The following GGA2 variants were observed in gnomAD, a reference collection of about 807,000 sequenced individuals.
GGA2 encodes the protein golgi associated, gamma adaptin ear containing, ARF binding protein 2.
GGA2 carries 48 observed loss-of-function variants against 79.5 expected under a neutral mutation model. That is an observed-to-expected ratio of 0.60 (90% CI 0.48 to 0.77). The LOEUF is 0.77. Ranked by LOEUF, GGA2 falls within the 30% of genes least tolerant of loss-of-function variation. The pLI is 0.00. For missense variants in GGA2, 770 were observed against 774.0 expected (o/e 0.99, Z 0.06); for synonymous variants, 317 against 302.0 (o/e 1.05, Z -0.51).
At chr16:23,480,887 A>C (rs1596981792) in intron 9 of GGA2, 117 bp from the exon 10 acceptor site, 1 of 934,438 alleles carries the variant, frequency 1.1e-6, no homozygotes, top group Non-Finnish European at 1.7e-6. Context: ...GTTTATCCAC[A>C]CCTCCTGCCT....
chr16:23,496,582 T>C (rs972082927), intron 1 of GGA2, among the ~76,000 whole-genome samples: 4 of 152,062 alleles, frequency 2.6e-5, no homozygotes, highest in Non-Finnish European at 5.9e-5. Context: ...CAGCACTTCA[T>C]GGGGCTGAGG....
intron 1 of GGA2, among the ~76,000 whole-genome samples, chr16:23,520,522 T>G (rs1407228325): frequency 6.6e-6 from 1 of 151,952 alleles, no homozygotes; most frequent in African/African-American, 2.4e-5. Context: ...CCAGGTGTGG[T>G]GGCATGCACC....
At chr16:23,507,891 G>A (rs946675915) in intron 1 of GGA2, among the ~76,000 whole-genome samples, 1 of 151,574 alleles carries the variant, frequency 6.6e-6, no homozygotes, top group Admixed American at 6.6e-5. Flanking sequence ...CCAGGAGAGG[G>A]GTAAGCTGCA....
At position 23,467,666 on chromosome 16, in the gene GGA2, T is replaced by C; in HGVS notation, c.1766A>G (p.Asn589Ser). The change falls in exon 17 of 17, where the codon AAC (asparagine) becomes AGC (serine). Residue 589 changes from asparagine to serine, a missense_variant. By Grantham distance (46) the Asn-to-Ser change is conservative. Coordinates refer to ENST00000309859, the MANE Select transcript of GGA2 (RefSeq NM_015044.4). ...TTCGCTGAAAGGCTGTCCACCTTGG[T>C]TGAATGTCAGCTTGTACCGTAAGCG... Reference protein sequence around the residue: ...PIRLRYKLTFNQGGQPFSEVG... With the variant: ...PIRLRYKLTFSQGGQPFSEVG... 6.2e-7 allele frequency: 1 copy of C among 1,606,744 alleles called. No individual in the cohort carries two copies. Among genetic ancestry groups the C allele is most frequent in the Non-Finnish European group, 8.5e-7 (1 of 1,173,284 alleles).
intron 13 of GGA2, 84 bp downstream of exon 13, chr16:23,478,284 G>T: frequency 9.9e-7 from 1 of 1,010,932 alleles, no homozygotes; most frequent in Non-Finnish European, 1.4e-6. Flanking sequence ...CTGTCTTAGA[G>T]CACCATTCTC....
chr16:23,501,790 GA>G (rs1456893286), intron 1 of GGA2, among the ~76,000 whole-genome samples: 1 of 152,168 alleles, frequency 6.6e-6, no homozygotes, highest in Non-Finnish European at 1.5e-5. Flanking sequence ...TTTTCATCGA[GA>G]GGAAACATCT....
intron 14 of GGA2, 38 bp downstream of exon 14, chr16:23,474,866 G>GAA (rs530417746): frequency 1.5e-4 from 196 of 1,348,422 alleles, no homozygotes; most frequent in African/African-American, 7.0e-4. Context: ...GATTCCCAGG[G>GAA]AAAAAAAAAA....
chr16:23,493,744 A>G (rs529848727), intron 3 of GGA2: 1 of 378,090 alleles, frequency 2.6e-6, no homozygotes, highest in African/African-American at 2.1e-5. Flanking sequence ...CTTTGAGAGG[A>G]GAAAGTGGCT....
intron 4 of GGA2, among the ~76,000 whole-genome samples, chr16:23,492,231 G>C (rs1047217020): frequency 1.3e-5 from 2 of 152,192 alleles, no homozygotes; most frequent in Admixed American, 1.3e-4. Flanking sequence ...CTTACAGTGA[G>C]TGCCTAGAGA....
At chr16:23,487,822 T>G (rs1187808347) in intron 6 of GGA2, among the ~76,000 whole-genome samples, 1 of 150,966 alleles carries the variant, frequency 6.6e-6, no homozygotes, top group African/African-American at 2.4e-5. Flanking sequence ...GCCCAAGGAG[T>G]GGGTACAGGG....
rs984306720 is a variant in GGA2, at chr16:23,501,545, G to T, written c.92-5767C>A. On this transcript the variant is annotated intron_variant, in intron 1 of 16. Coordinates refer to ENST00000309859, the MANE Select transcript of GGA2 (RefSeq NM_015044.4). ...ATTTAGTTTTCCTCACAAAGATAAA[G>T]CACAGAAACTGGAGGCTGTGTCATG... 8.9e-6 allele frequency: 3 copies of T among 336,504 alleles called. No individual in the cohort carries two copies. The Admixed American group carries it at 1.2e-4, about 13-fold the overall frequency. 20.8% of individuals were successfully genotyped at this position (336,504 alleles called of 1,614,324 possible).
At chr16:23,474,067 A>C (rs1964547382) in intron 14 of GGA2, among the ~76,000 whole-genome samples, 1 of 151,870 alleles carries the variant, frequency 6.6e-6, no homozygotes. Context: ...TAGGCACCTT[A>C]ATTAGCCGAG....
rs561851244 is a variant in GGA2 at position 23,496,203 on chromosome 16, TGAGGCA to T, written c.92-431_92-426del. On this transcript the variant is annotated intron_variant, in intron 1 of 16. Transcript: ENST00000309859. ...CTGTAATCCCAGCTACTTGGGAGGC[TGAGGCA>T]GGAGAATCGCTTGAACTTGGGAGGT... Among the ~76,000 whole-genome samples the T allele has an allele frequency of 3.2e-3, 462 of 145,770 alleles. 5 individuals are homozygous for T. Among genetic ancestry groups the T allele is most frequent in the Middle Eastern group, 0.011 (3 of 276 alleles).
At chr16:23,490,511 G>C (rs1319136135) in intron 5 of GGA2, among the ~76,000 whole-genome samples, 1 of 151,998 alleles carries the variant, frequency 6.6e-6, no homozygotes, top group African/African-American at 2.4e-5. Context: ...GAGGCAGGCG[G>C]ATCATTTGAG....
At chr16:23,504,444 G>A (rs973748368) in intron 1 of GGA2, among the ~76,000 whole-genome samples, 4 of 152,200 alleles carry the variant, frequency 2.6e-5, no homozygotes, top group South Asian at 2.1e-4. Context: ...CTGAATGAAC[G>A]ATTCCTCTTT....
chr16:23,510,843 A>C (rs1028767833), upstream of GGA2, among the ~76,000 whole-genome samples: 1 of 150,888 alleles, frequency 6.6e-6, no homozygotes, highest in African/African-American at 2.5e-5. Flanking sequence ...AGGAGCTGGG[A>C]CTAGGGGAGG....
chr16:23,504,963 C>T (rs1342081745), intron 1 of GGA2, among the ~76,000 whole-genome samples: 1 of 152,138 alleles, frequency 6.6e-6, no homozygotes, highest in Non-Finnish European at 1.5e-5. Flanking sequence ...GAAGCCAAAC[C>T]ATCCCACGTC....
chr16:23,499,942 T>C (rs1473221403), intron 1 of GGA2, among the ~76,000 whole-genome samples: 1 of 152,188 alleles, frequency 6.6e-6, no homozygotes, highest in Non-Finnish European at 1.5e-5. Flanking sequence ...ACAGGGCATG[T>C]GGAGGGGACT....
upstream of GGA2, chr16:23,524,330 AG>A (rs1218545955): frequency 6.4e-7 from 1 of 1,564,698 alleles, no homozygotes; most frequent in Non-Finnish European, 8.8e-7. Context: ...CTAAGCTCAC[AG>A]GTTCTTAGGG....
Sources: allele counts gnomAD v4.1 joint callset (sites outside exome capture counted in the v4.1 genomes callset), GRCh38; gene constraint gnomAD v4.1.1; transcripts MANE v1.5; gene names NCBI Gene and HGNC (gene_info 2026-07-23, HGNC 2026-07-21).